GRIN2B: variants seen among roughly 807,000 people sequenced by gnomAD.
The protein encoded by GRIN2B is glutamate receptor ionotropic, NMDA 2B.
In GRIN2B, 5 loss-of-function variants were observed where a neutral mutation model predicts 114.5. That is an observed-to-expected ratio of 0.04 (90% CI 0.02 to 0.09). The LOEUF (loss-of-function observed/expected upper bound fraction) is 0.09, where lower values mean the gene tolerates loss of function less well. Among genes scored for constraint, GRIN2B ranks in the 10% least tolerant of loss-of-function variants. GRIN2B has a pLI of 1.00. For missense variants in GRIN2B, 1,108 were observed against 1,943.5 expected (o/e 0.57, Z 8.08); for synonymous variants, 787 against 745.1 (o/e 1.06, Z -0.92).
At chr12:13,866,290 G>A (rs1365729556) in intron 2 of GRIN2B, 64 bp from the exon 3 acceptor site, 8 of 1,403,766 alleles carry the variant, frequency 5.7e-6, no homozygotes, top group Non-Finnish European at 7.9e-6. Flanking sequence ...TCTTAGAAGA[G>A]GCTAGATACT....
At chr12:13,916,527 G>T (rs1866723800) in intron 2 of GRIN2B, among the ~76,000 whole-genome samples, 1 of 152,044 alleles carries the variant, frequency 6.6e-6, no homozygotes, top group Non-Finnish European at 1.5e-5. Flanking sequence ...AGTTGGGAAT[G>T]GAAAGGAAAA....
Position 13,675,869 on chromosome 12 carries a change from TA to T in GRIN2B, c.1011-11del. 7.0e-7 allele frequency: 1 copy of T among 1,435,604 alleles called. No homozygotes were observed. The highest frequency in any genetic ancestry group is 9.8e-7 in the Non-Finnish European group (1 of 1,017,680). 88.9% of individuals were successfully genotyped at this position (1,435,604 alleles called of 1,614,324 possible). On this transcript the variant is annotated splice_polypyrimidine_tract_variant and intron_variant, in intron 4 of 13. Coordinates refer to ENST00000609686, the MANE Select transcript of GRIN2B (RefSeq NM_000834.5). ...GACATTGATCAGATACCTGTAAAGA[TA>T]AAATAAAAGGAAGATTAAAAGTATG...
At chr12:13,680,478 G>GTGTGTGTA (rs1950119960) in intron 4 of GRIN2B, among the ~76,000 whole-genome samples, 1 of 139,096 alleles carries the variant, frequency 7.2e-6, no homozygotes, top group African/African-American at 2.6e-5. Context: ...GTGTGTGTGT[G>GTGTGTGTA]TGTGTGTATT....
chr12:13,928,738 T>C (rs904365884), intron 2 of GRIN2B, among the ~76,000 whole-genome samples: 2 of 152,214 alleles, frequency 1.3e-5, no homozygotes, highest in African/African-American at 4.8e-5. Context: ...GCTTTTTATA[T>C]CTTCCACAAA....
intron 2 of GRIN2B, among the ~76,000 whole-genome samples, chr12:13,891,673 G>A (rs566503247): frequency 1.3e-5 from 2 of 152,096 alleles, no homozygotes; most frequent in South Asian, 4.2e-4. Context: ...TTACCATGGT[G>A]CTGGCAAAAG....
intron 4 of GRIN2B, among the ~76,000 whole-genome samples, chr12:13,744,742 C>T (rs778144948): frequency 1.3e-5 from 2 of 152,170 alleles, no homozygotes; most frequent in Non-Finnish European, 2.9e-5. Flanking sequence ...CTGTCAGCAG[C>T]AGTTCCTTCA....
intron 3 of GRIN2B, among the ~76,000 whole-genome samples, chr12:13,798,138 A>G (rs1370318982): frequency 6.6e-6 from 1 of 152,234 alleles, no homozygotes. Flanking sequence ...GATCAACTAT[A>G]TGGATCCATT....
chr12:13,741,364 C>G (rs749440528), intron 4 of GRIN2B, among the ~76,000 whole-genome samples: 1 of 152,154 alleles, frequency 6.6e-6, no homozygotes, highest in Non-Finnish European at 1.5e-5. Context: ...CCCTGTCCCA[C>G]AGGTTAATGA....
At position 13,749,450 on chromosome 12, in the gene GRIN2B, T is replaced by C. The variant is rs113741288; in HGVS notation, c.1010+3867A>G. On this transcript the variant is annotated intron_variant, in intron 4 of 13. Coordinates refer to ENST00000609686, the MANE Select transcript of GRIN2B (RefSeq NM_000834.5). The stretch of plus-strand genomic sequence containing the variant: ...CTTTCCTAACCCTACATCCCTAGTG[T>C]CATGCTGGGGCTGGGCCACTCCCAG... 9.3e-3 allele frequency among the ~76,000 whole-genome samples: 1,412 copies of C among 152,308 alleles called. 8 individuals are homozygous for C. The highest frequency in any genetic ancestry group is 0.016 in the Non-Finnish European group (1,118 of 68,006).
At chr12:13,701,640 A>G (rs1159457168) in intron 4 of GRIN2B, among the ~76,000 whole-genome samples, 1 of 152,118 alleles carries the variant, frequency 6.6e-6, no homozygotes, top group Non-Finnish European at 1.5e-5. Context: ...ATTAACTACA[A>G]CTGCACCATC....
rs535118739 is a variant in GRIN2B, at chr12:13,791,189, C to T, written c.412-37274G>A. 1.7e-3 allele frequency among the ~76,000 whole-genome samples: 252 copies of T among 152,194 alleles called. 1 individual carries two copies. The highest frequency in any genetic ancestry group is 2.7e-3 in the Non-Finnish European group (185 of 68,014). On this transcript the variant is annotated intron_variant, in intron 3 of 13. Coordinates refer to ENST00000609686, the MANE Select transcript of GRIN2B (RefSeq NM_000834.5). ...GTTAACATTCCATGTCCTGGCGAGG[C>T]GCGGTGGCTCACACTTGTAATCCCA... is the stretch of plus-strand genomic sequence containing the variant.
At chr12:13,862,280 T>A (rs1403103693) in intron 3 of GRIN2B, among the ~76,000 whole-genome samples, 1 of 152,220 alleles carries the variant, frequency 6.6e-6, no homozygotes, top group Non-Finnish European at 1.5e-5. Context: ...TTGTCAAAAG[T>A]CTTCAGAAGA....
chr12:13,885,491 C>A (rs1300578932), intron 2 of GRIN2B, among the ~76,000 whole-genome samples: 1 of 152,126 alleles, frequency 6.6e-6, no homozygotes. Context: ...AAAGATTTCA[C>A]TCTTTCATCT....
intron 2 of GRIN2B, among the ~76,000 whole-genome samples, chr12:13,888,167 G>C (rs771377819): frequency 2.0e-5 from 3 of 152,160 alleles, no homozygotes; most frequent in Non-Finnish European, 2.9e-5. Flanking sequence ...GCCATGTATT[G>C]CTTAACAACG....
At chr12:13,633,955 G>A (rs2136500111) in intron 5 of GRIN2B, among the ~76,000 whole-genome samples, 1 of 151,922 alleles carries the variant, frequency 6.6e-6, no homozygotes, top group Admixed American at 6.6e-5. Flanking sequence ...CTGGGTCACA[G>A]CAGATAATCC....
chr12:13,588,610 A>G (rs1021494406), intron 10 of GRIN2B, among the ~76,000 whole-genome samples: 2 of 152,260 alleles, frequency 1.3e-5, no homozygotes, highest in Non-Finnish European at 2.9e-5. Flanking sequence ...CACTAGAACT[A>G]GAAGGGACAG....
chr12:13,540,982 T>G lies in GRIN2B; in HGVS notation c.*21801A>C, dbSNP rs1948271377. On this transcript the variant is annotated 3_prime_UTR_variant, in exon 14 of 14. Coordinates refer to ENST00000609686, the MANE Select transcript of GRIN2B (RefSeq NM_000834.5). The stretch of plus-strand genomic sequence containing the variant: ...AACGCAACCCCATAGTGGATGCATA[T>G]CATGTTTCCATCATCACCCCCTTAC... 6.6e-6 allele frequency: 1 copy of G among 152,282 alleles called. No individual in the cohort carries two copies. The highest frequency in any genetic ancestry group is 2.4e-5 in the African/African-American group (1 of 41,444). 9.4% of individuals were successfully genotyped at this position (152,282 alleles called of 1,614,324 possible). A position where few individuals can be genotyped will look rare whatever the true frequency, so the allele number is the denominator to read the frequency against.
At chr12:13,663,704 C>T (rs376640008) in intron 5 of GRIN2B, among the ~76,000 whole-genome samples, 1 of 152,248 alleles carries the variant, frequency 6.6e-6, no homozygotes, top group East Asian at 1.9e-4. Context: ...CTAGGCACAT[C>T]AAAAATCTAT....
rs1948522744 is a variant in GRIN2B at position 13,560,087 on chromosome 12, A to G, written c.*2696T>C. 1 of 152,152 alleles carries G rather than the reference A, an allele frequency of 6.6e-6. No homozygotes were observed. Among genetic ancestry groups the G allele is most frequent in the Admixed American group, 6.5e-5 (1 of 15,294 alleles). The allele number at this position is 152,152 out of a possible 1,614,324, so 9.4% of individuals were successfully genotyped here. Reference sequence around the variant, plus strand: ...AGACCTGGGGTTTGCTTAGAGCCAAATTGAACCCTATGTAAAACCCTGGCC... The same window carrying G: ...AGACCTGGGGTTTGCTTAGAGCCAAGTTGAACCCTATGTAAAACCCTGGCC... On this transcript the variant is annotated 3_prime_UTR_variant, in exon 14 of 14. Transcript: ENST00000609686.
Sources: allele counts gnomAD v4.1 joint callset (sites outside exome capture counted in the v4.1 genomes callset), GRCh38; gene constraint gnomAD v4.1.1; transcripts MANE v1.5; gene names NCBI Gene and HGNC (gene_info 2026-07-23, HGNC 2026-07-21).